MYO1B: variants seen among roughly 807,000 people sequenced by gnomAD.
MYO1B encodes the protein unconventional myosin-Ib.
MYO1B carries 72 observed loss-of-function variants against 159.7 expected under a neutral mutation model. The observed-to-expected ratio is 0.45, with a 90% CI of 0.37 to 0.55. MYO1B has a LOEUF of 0.55. Ranked by LOEUF, MYO1B falls within the 20% of genes least tolerant of loss-of-function variation. MYO1B has a pLI of 0.00. For missense variants in MYO1B, 1,062 were observed against 1,364.8 expected (o/e 0.78, Z 3.50); for synonymous variants, 468 against 473.8 (o/e 0.99, Z 0.16).
rs542484661 is a variant in MYO1B, at chr2:191,313,454, G to A, written c.252-16481G>A. ...GGCTGGAGTGCAGTGGCACGATCTC[G>A]GCTCACTGCAAGCTCCGCCTCCCGG... On this transcript the variant is annotated intron_variant, in intron 3 of 30. Transcript: ENST00000392318. 1.9e-3 allele frequency among the ~76,000 whole-genome samples: 282 copies of A among 150,452 alleles called. 1 individual carries two copies. Among genetic ancestry groups the A allele is most frequent in the African/African-American group, 6.0e-3 (246 of 40,932 alleles).
intron 2 of MYO1B, among the ~76,000 whole-genome samples, chr2:191,291,830 GA>G (rs1224024685): frequency 6.6e-6 from 1 of 152,198 alleles, no homozygotes; most frequent in Non-Finnish European, 1.5e-5. Context: ...CCTTGAAAAG[GA>G]GATTTAATCT....
At chr2:191,419,419 C>T (rs935919723) in intron 30 of MYO1B, among the ~76,000 whole-genome samples, 4 of 152,036 alleles carry the variant, frequency 2.6e-5, no homozygotes, top group African/African-American at 9.7e-5. Context: ...GGGGTTTCAT[C>T]GTGTTAGCCA....
rs1692218179 is a variant in MYO1B at position 191,341,472 on chromosome 2, C to T, written c.358C>T (p.Leu120Phe). ...ATTTTCATCCACAGAGGCCAGTAAG[C>T]TTGTCATGTCCTATGTGGCAGCTGT... ...SGAGKTEASK[L>F]VMSYVAAVCG... is the part of the protein sequence containing the mutation. Residue 120 changes from leucine to phenylalanine, a missense_variant, in exon 5 of 31, where the codon CTT becomes TTT. Physicochemically the swap from Leu to Phe is conservative, Grantham distance 22. This residue lies in a region of MYO1B where 415 missense variants were observed against 544.0 expected (regional missense o/e 0.76). Transcript: ENST00000392318. 2 of 1,613,196 alleles carry T rather than the reference C, an allele frequency of 1.2e-6. No homozygotes were observed. The highest frequency in any genetic ancestry group is 1.7e-6 in the Non-Finnish European group (2 of 1,179,694).
chr2:191,424,405 C>T lies in MYO1B; in HGVS notation c.*445C>T, dbSNP rs531366016. The T allele has an allele frequency of 1.3e-5, 2 of 154,244 alleles. No homozygotes were observed. The highest frequency in any genetic ancestry group is 4.8e-5 in the African/African-American group (2 of 41,482). 9.6% of individuals were successfully genotyped at this position (154,244 alleles called of 1,614,324 possible). A position where few individuals can be genotyped will look rare whatever the true frequency, so the allele number is the denominator to read the frequency against. ...AACCTTTTTGTTTTTGAGACCATTG[C>T]ATTCTGGCTGGTTTGTGCTGGTTTA... On this transcript the variant is annotated 3_prime_UTR_variant, in exon 31 of 31. Coordinates refer to ENST00000392318, the MANE Select transcript of MYO1B (RefSeq NM_001130158.3).
intron 23 of MYO1B, among the ~76,000 whole-genome samples, chr2:191,401,150 A>G (rs1240885425): frequency 6.7e-6 from 1 of 148,980 alleles, no homozygotes; most frequent in Non-Finnish European, 1.5e-5. Flanking sequence ...GATGAATGCT[A>G]GCAGTTTTTT....
At position 191,409,100 on chromosome 2, in the gene MYO1B, C is replaced by A. The variant is rs1346613864; in HGVS notation, c.2688C>A (p.Asp896Glu). 2 of 1,613,272 alleles carry A rather than the reference C, an allele frequency of 1.2e-6. No individual in the cohort carries two copies. The highest frequency in any genetic ancestry group is 2.2e-5 in the South Asian group (2 of 90,734). Residue 896 changes from aspartate to glutamate, a missense_variant, in exon 26 of 31, where the codon GAC becomes GAA. By Grantham distance (45) the Asp-to-Glu change is conservative (BLOSUM62 2). This residue lies in a region of MYO1B where 609 missense variants were observed against 744.4 expected (regional missense o/e 0.82). Transcript: ENST00000392318. ...AGATGCCTTCCTTATCTCCAATAGA[C>A]AAGAATTGGCCCTCAAGACCTTACT... ...KNKMPSLSPI[D>E]KNWPSRPYLF...
At chr2:191,326,815 T>TGTGTGTGC (rs1193696593) in intron 3 of MYO1B, among the ~76,000 whole-genome samples, 13 of 143,878 alleles carry the variant, frequency 9.0e-5, no homozygotes, top group South Asian at 4.5e-4. Flanking sequence ...TGTGTGTGTG[T>TGTGTGTGC]GCGCGCGCCA....
intron 7 of MYO1B, among the ~76,000 whole-genome samples, chr2:191,351,461 T>TAA (rs11445147): frequency 4.0e-5 from 6 of 151,202 alleles, no homozygotes; most frequent in South Asian, 2.1e-4. Flanking sequence ...GCAGCTGATT[T>TAA]AAAAAAAAAA....
In MYO1B at chr2:191,329,341, A is replaced by G. The variant is rs545155631; in HGVS notation, c.252-594A>G. On this transcript the variant is annotated intron_variant, in intron 3 of 30. Transcript: ENST00000392318. ...TTAGAGTTGCAGTCATTTGTTTGTA[A>G]AGGCAGTAGTTCTGTATTTAAGTTA... Among the ~76,000 whole-genome samples the G allele has an allele frequency of 2.0e-5, 3 of 152,200 alleles. No individual in the cohort carries two copies. The South Asian group carries it at 6.2e-4, about 32-fold the overall frequency.
chr2:191,356,585 A>G (rs924014453), intron 7 of MYO1B, among the ~76,000 whole-genome samples: 1 of 152,198 alleles, frequency 6.6e-6, no homozygotes, highest in African/African-American at 2.4e-5. Flanking sequence ...TTATCATGAA[A>G]GGAGACTATA....
intron 13 of MYO1B, among the ~76,000 whole-genome samples, chr2:191,373,987 G>C (rs1694540625): frequency 6.6e-6 from 1 of 152,038 alleles, no homozygotes; most frequent in South Asian, 2.1e-4. Flanking sequence ...TTTGTGGGGA[G>C]GTTAGATTAG....
At chr2:191,379,852 T>C (rs1381349663) in intron 13 of MYO1B, among the ~76,000 whole-genome samples, 3 of 152,346 alleles carry the variant, frequency 2.0e-5, no homozygotes, top group South Asian at 2.1e-4. Context: ...TAATAAGGCA[T>C]CTATACTAGA....
At chr2:191,247,514 A>G (rs114674995) in intron 1 of MYO1B, among the ~76,000 whole-genome samples, 1,646 of 152,294 alleles carry the variant, frequency 0.011, 23 homozygotes, top group African/African-American at 0.037. Context: ...AGTTGTCCTC[A>G]GGAGCCATTA....
rs57237733 is a variant in MYO1B at position 191,260,254 on chromosome 2, C to CTTTTTTT, written c.-10+14635_-10+14641dup. Among the ~76,000 whole-genome samples the CTTTTTTT allele has an allele frequency of 1.2e-3, 73 of 61,004 alleles. 17 individuals are homozygous for CTTTTTTT. Among genetic ancestry groups the CTTTTTTT allele is most frequent in the South Asian group, 6.7e-3 (6 of 900 alleles). 40.0% of individuals were successfully genotyped at this position (61,004 alleles called of 152,430 possible). A position where few individuals can be genotyped will look rare whatever the true frequency, so the allele number is the denominator to read the frequency against. ...TAATATTACTTTTTTCCCAGATAGG[C>CTTTTTTT]TTTTTTTTTTTTTGAATTAAAGCTA... On this transcript the variant is annotated intron_variant, in intron 1 of 30. Transcript: ENST00000392318.
rs754537843 is a variant in MYO1B at position 191,402,600 on chromosome 2, G to C, written c.2470-32G>C. On this transcript the variant is annotated intron_variant, in intron 23 of 30. Transcript: ENST00000392318. ...TCATTTGTGCTGTCTGCATTGGGCT[G>C]TCTCTTTTATTTACTATCTAAAACA... is the stretch of plus-strand genomic sequence containing the variant. 6.3e-6 allele frequency: 10 copies of C among 1,590,300 alleles called. No homozygotes were observed. In the South Asian group the frequency reaches 7.8e-5, roughly 12 times the overall value.
At chr2:191,302,396 C>T (rs1388301395) in intron 3 of MYO1B, among the ~76,000 whole-genome samples, 5 of 152,086 alleles carry the variant, frequency 3.3e-5, no homozygotes, top group South Asian at 2.1e-4. Context: ...TACATTTTAC[C>T]TGTGTTATGG....
chr2:191,330,977 T>C (rs1691434940), intron 4 of MYO1B, among the ~76,000 whole-genome samples: 1 of 152,216 alleles, frequency 6.6e-6, no homozygotes, highest in Non-Finnish European at 1.5e-5. Flanking sequence ...CTGAATCCAT[T>C]TTATTCACAA....
At position 191,385,885 on chromosome 2, in the gene MYO1B, A is replaced by G. The variant is rs1004548336; in HGVS notation, c.1355A>G (p.Asn452Ser). 6.2e-7 allele frequency: 1 copy of G among 1,613,836 alleles called. No individual in the cohort carries two copies. The highest frequency in any genetic ancestry group is 1.3e-5 in the African/African-American group (1 of 75,036). Reference sequence around the variant, plus strand: ...ACTTTTTTATTTCCGTTTTCCCAGAACACAAATGGAATCCTGGCCATGCTG... The same window carrying G: ...ACTTTTTTATTTCCGTTTTCCCAGAGCACAAATGGAATCCTGGCCATGCTG... ...NAIICDLIEN[N>S]TNGILAMLDE... The change falls in exon 16 of 31, where the codon AAC (asparagine) becomes AGC (serine). Residue 452 changes from asparagine to serine, a missense_variant and splice_region_variant. Physicochemically the swap from Asn to Ser is conservative, Grantham distance 46. Transcript: ENST00000392318.
chr2:191,245,634 G>T lies in MYO1B; in HGVS notation c.-10+8G>T, dbSNP rs1256031814. On this transcript the variant is annotated splice_region_variant and intron_variant, in intron 1 of 30. Transcript: ENST00000392318. ...GAGGTAGCGCCAGGCGAGGTAGCGC[G>T]AGCGCTTTCTCTCTCTCTCCCCTGC... The T allele has an allele frequency of 3.3e-5, 5 of 152,226 alleles. No homozygotes were observed. In the South Asian group the frequency reaches 8.3e-4, roughly 25 times the overall value. The allele number at this position is 152,226 out of a possible 1,614,324, so 9.4% of individuals were successfully genotyped here.
Sources: allele counts gnomAD v4.1 joint callset (sites outside exome capture counted in the v4.1 genomes callset), GRCh38; gene constraint gnomAD v4.1.1; regional missense constraint gnomAD v4.1.1; transcripts MANE v1.5; gene names NCBI Gene and HGNC (gene_info 2026-07-23, HGNC 2026-07-21).